FAT3: variants seen among roughly 807,000 people sequenced by gnomAD.
FAT3 encodes the protein FAT atypical cadherin 3.
A neutral mutation model predicts 310.2 loss-of-function variants in FAT3; 95 were observed. The observed-to-expected ratio is 0.31, with a 90% CI of 0.26 to 0.36. FAT3 has a LOEUF of 0.36. Among genes scored for constraint, FAT3 ranks in the 10% least tolerant of loss-of-function variants. The probability of loss-of-function intolerance (pLI) is 1.00; values close to 1 mark genes in which losing one functional copy is unlikely to be tolerated. For synonymous variants in FAT3, 2,314 were observed against 2,192.9 expected (o/e 1.06, Z -1.54); for missense variants, 5,408 against 5,715.6 (o/e 0.95, Z 1.74).
chr11:92,450,960 G>A (rs970835333), intron 2 of FAT3, among the ~76,000 whole-genome samples: 1 of 152,166 alleles, frequency 6.6e-6, no homozygotes, highest in Non-Finnish European at 1.5e-5. Flanking sequence ...TTACTGGTCA[G>A]GCTTGAAATT....
At chr11:92,809,157 A>G (rs866640013) in intron 12 of FAT3, among the ~76,000 whole-genome samples, 1 of 152,178 alleles carries the variant, frequency 6.6e-6, no homozygotes, top group Non-Finnish European at 1.5e-5. Context: ...TCCAGTGGTT[A>G]AAATATAGAC....
intron 24 of FAT3, among the ~76,000 whole-genome samples, chr11:92,885,393 G>C (rs1408778623): frequency 6.6e-6 from 1 of 152,180 alleles, no homozygotes; most frequent in Non-Finnish European, 1.5e-5. Flanking sequence ...ATTAAAACCT[G>C]TGCTCTTACC....
intron 4 of FAT3, among the ~76,000 whole-genome samples, chr11:92,728,703 G>T (rs1945076788): frequency 6.6e-6 from 1 of 152,136 alleles, no homozygotes; most frequent in Admixed American, 6.5e-5. Flanking sequence ...TGTCAGCAGG[G>T]CCAGGCACCC....
intron 2 of FAT3, among the ~76,000 whole-genome samples, chr11:92,472,471 CAA>C (rs1176295500): frequency 1.3e-5 from 2 of 152,178 alleles, no homozygotes; most frequent in African/African-American, 4.8e-5. Context: ...AGAATACAGA[CAA>C]GAGATAAGGG....
chr11:92,844,635 C>T lies in FAT3; in HGVS notation c.11268C>T (p.Gly3756=), dbSNP rs1166284565. The T allele has an allele frequency of 3.7e-6, 6 of 1,612,130 alleles. No individual in the cohort carries two copies. The highest frequency in any genetic ancestry group is 4.5e-5 in the East Asian group (2 of 44,812). Residue 3756 remains glycine, a synonymous_variant, in exon 19 of 28, where the codon GGC becomes GGT. Transcript: ENST00000525166. The part of the protein sequence containing the change: ...LDCQEQHCEQ[G]LSLDSHALMT... ...GTCAGGAACAGCATTGTGAGCAAGG[C>T]TTGTCACTCGATTCCCACGCGCTCA...
At chr11:92,723,244 C>G (rs929103913) in intron 4 of FAT3, among the ~76,000 whole-genome samples, 3 of 152,174 alleles carry the variant, frequency 2.0e-5, no homozygotes, top group Non-Finnish European at 2.9e-5. Context: ...AATCATCTCT[C>G]TCAAGTTCAA....
At chr11:92,265,687 C>T (rs914664810) in intron 1 of FAT3, among the ~76,000 whole-genome samples, 1 of 151,996 alleles carries the variant, frequency 6.6e-6, no homozygotes, top group African/African-American at 2.4e-5. Context: ...CTGGCAGATT[C>T]GTTATCTAGT....
At chr11:92,365,755 G>C (rs890206841) in intron 2 of FAT3, among the ~76,000 whole-genome samples, 6 of 152,136 alleles carry the variant, frequency 3.9e-5, no homozygotes, top group African/African-American at 1.2e-4. Context: ...GAAACAAGGT[G>C]GGGGAGAGAT....
intron 13 of FAT3, among the ~76,000 whole-genome samples, chr11:92,823,626 T>C (rs908088556): frequency 1.3e-5 from 2 of 152,144 alleles, no homozygotes; most frequent in Admixed American, 6.5e-5. Context: ...GCCAGCCCAA[T>C]TGGGAAGTCC....
chr11:92,637,926 G>C (rs1021245945), intron 3 of FAT3, among the ~76,000 whole-genome samples: 1 of 152,138 alleles, frequency 6.6e-6, no homozygotes, highest in South Asian at 2.1e-4. Context: ...AGCAAAAGCC[G>C]CATGCTGTTT....
intron 1 of FAT3, among the ~76,000 whole-genome samples, chr11:92,330,999 T>TGAGAGA (rs1342240682): frequency 8.5e-6 from 1 of 117,894 alleles, no homozygotes; most frequent in East Asian, 2.4e-4. Flanking sequence ...TGTGTGTGTG[T>TGAGAGA]GTGTGAGAGA....
intron 2 of FAT3, among the ~76,000 whole-genome samples, chr11:92,360,799 A>T (rs180763757): frequency 1.6e-3 from 241 of 152,330 alleles, no homozygotes; most frequent in African/African-American, 5.4e-3. Flanking sequence ...CATTTTAGGT[A>T]CTATTTGTAA....
intron 3 of FAT3, among the ~76,000 whole-genome samples, chr11:92,569,812 A>G (rs1346142323): frequency 6.6e-6 from 1 of 152,150 alleles, no homozygotes; most frequent in Non-Finnish European, 1.5e-5. Flanking sequence ...AGCTTGCTGT[A>G]TGCAGTGGGA....
chr11:92,762,090 G>T lies in FAT3; in HGVS notation c.3904G>T (p.Gly1302Ter), dbSNP rs568235366. Residue 1302 changes from glycine (G) to a stop codon, truncating the protein, a stop_gained, in exon 5 of 28, where the codon GGA (glycine) becomes TGA (stop). Transcript: ENST00000525166. LOFTEE classifies it high-confidence loss of function. ...CAGTATTGTGGATGGGAATGATGACGGAAAGTTCTTTATTGACCCTAAAAC... is the reference window on the plus strand; with the variant it reads ...CAGTATTGTGGATGGGAATGATGACTGAAAGTTCTTTATTGACCCTAAAAC... ...SYSIVDGNDD[G>*]KFFIDPKTGM... The T allele has an allele frequency of 6.2e-7, 1 of 1,613,966 alleles. No individual in the cohort carries two copies. The highest frequency in any genetic ancestry group is 1.1e-5 in the South Asian group (1 of 91,076).
At chr11:92,693,992 A>T (rs1943867616) in intron 3 of FAT3, among the ~76,000 whole-genome samples, 2 of 152,190 alleles carry the variant, frequency 1.3e-5, no homozygotes, top group Admixed American at 1.3e-4. Context: ...AACATAAAAG[A>T]CTTATTAAAA....
intron 4 of FAT3, among the ~76,000 whole-genome samples, chr11:92,719,720 C>CTGTGTGTGTGTGTG (rs751825746): frequency 4.4e-5 from 6 of 136,858 alleles, no homozygotes; most frequent in East Asian, 2.2e-4. Flanking sequence ...AGAACCAACT[C>CTGTGTGTGTGTGTG]TGTGTGTGTG....
At chr11:92,411,064 T>TATATAATATATATAAATAC (rs1036551172) in intron 2 of FAT3, among the ~76,000 whole-genome samples, 2 of 143,536 alleles carry the variant, frequency 1.4e-5, no homozygotes, top group African/African-American at 5.1e-5. Flanking sequence ...TATATAAATA[T>TATATAATATATATAAATAC]ATATAAATAT....
intron 6 of FAT3, among the ~76,000 whole-genome samples, chr11:92,767,780 G>A (rs1165266432): frequency 6.6e-6 from 1 of 152,058 alleles, no homozygotes; most frequent in Non-Finnish European, 1.5e-5. Flanking sequence ...AGGCCCATGT[G>A]TCCTCATTCC....
intron 6 of FAT3, among the ~76,000 whole-genome samples, chr11:92,771,761 GT>G (rs1946462191): frequency 8.2e-6 from 1 of 122,434 alleles, no homozygotes; most frequent in Admixed American, 8.0e-5. Flanking sequence ...AGAGAGAACT[GT>G]AAAAAAAAAA....
Sources: allele counts gnomAD v4.1 joint callset (sites outside exome capture counted in the v4.1 genomes callset), GRCh38; gene constraint gnomAD v4.1.1; transcripts MANE v1.5; gene names NCBI Gene and HGNC (gene_info 2026-07-23, HGNC 2026-07-21).